Variants in FBXL13 observed in about 807,000 individuals in gnomAD.
FBXL13 encodes the protein F-box and leucine rich repeat protein 13, also known as F-box and leucine-rich repeat protein 13.
FBXL13 carries 67 observed loss-of-function variants against 83.6 expected under a neutral mutation model. The observed-to-expected ratio is 0.80, with a 90% CI of 0.66 to 0.98. The LOEUF (loss-of-function observed/expected upper bound fraction) is 0.98. Ranked by LOEUF, FBXL13 falls within the 50% of genes least tolerant of loss-of-function variation. The pLI, the probability that FBXL13 is intolerant of heterozygous loss-of-function variation, is 0.00. For synonymous variants in FBXL13, 272 were observed against 299.5 expected (o/e 0.91, Z 0.95); for missense variants, 822 against 866.5 (o/e 0.95, Z 0.64).
intron 8 of FBXL13, chr7:102,934,358 T>G (rs896865799): frequency 1.2e-6 from 2 of 1,614,032 alleles, no homozygotes; most frequent in Non-Finnish European, 1.7e-6. Context: ...GGAGGAAGTG[T>G]TCATTTACAC....
intron 8 of FBXL13, among the ~76,000 whole-genome samples, chr7:102,946,235 G>T (rs1288830224): frequency 2.0e-5 from 3 of 152,178 alleles, no homozygotes; most frequent in African/African-American, 7.2e-5. Flanking sequence ...CTTCACATAT[G>T]CTACTTCTAA....
rs545306664 is a variant in FBXL13, at chr7:102,909,483, G to T, written c.1008+3603C>A. Among the ~76,000 whole-genome samples the T allele has an allele frequency of 1.1e-3, 172 of 152,218 alleles. 2 individuals carry two copies. The highest frequency in any genetic ancestry group is 3.9e-3 in the African/African-American group (162 of 41,544). ...TTTTGCCCCATAGCTACCCTAGCTG[G>T]TAATATGCTGAGTCTCACCTGAAGC... On this transcript the variant is annotated intron_variant, in intron 11 of 19. Transcript: ENST00000313221.
chr7:102,967,877 T>C, intron 7 of FBXL13, 145 bp downstream of exon 8: 1 of 530,822 alleles, frequency 1.9e-6, no homozygotes, highest in South Asian at 3.4e-5. Flanking sequence ...CCCAGGCTTG[T>C]GCCTGGACAA....
At chr7:102,894,545 G>C (rs970970773) in intron 11 of FBXL13, among the ~76,000 whole-genome samples, 12 of 151,742 alleles carry the variant, frequency 7.9e-5, no homozygotes, top group Admixed American at 3.9e-4. Flanking sequence ...ACAACATATT[G>C]AGACCCGTCT....
chr7:103,008,766 C>A (rs1341590370), intron 6 of FBXL13, among the ~76,000 whole-genome samples: 2 of 152,170 alleles, frequency 1.3e-5, no homozygotes, highest in Admixed American at 1.3e-4. Context: ...CCATGTTGGG[C>A]AGGCTGGTCT....
At chr7:102,892,994 T>A (rs1811729713) in intron 11 of FBXL13, among the ~76,000 whole-genome samples, 1 of 152,226 alleles carries the variant, frequency 6.6e-6, no homozygotes, top group African/African-American at 2.4e-5. Context: ...GAAAATGGAA[T>A]CAGCCAAATA....
At chr7:102,910,712 G>C (rs896780224) in intron 11 of FBXL13, among the ~76,000 whole-genome samples, 1 of 152,112 alleles carries the variant, frequency 6.6e-6, no homozygotes, top group Non-Finnish European at 1.5e-5. Flanking sequence ...AAGGGTGACA[G>C]CCAACACTCC....
intron 17 of FBXL13, among the ~76,000 whole-genome samples, chr7:102,842,440 A>T (rs1803113980): frequency 6.6e-6 from 1 of 152,258 alleles, no homozygotes; most frequent in Admixed American, 6.5e-5. Context: ...GTCAAAGGCT[A>T]CCAAAATCAA....
At chr7:102,944,542 T>C (rs1822106161) in intron 8 of FBXL13, 2 of 1,612,488 alleles carry the variant, frequency 1.2e-6, no homozygotes, top group African/African-American at 1.3e-5. Flanking sequence ...AGATGATGAA[T>C]GGGAAAAAAA....
At chr7:102,811,359 T>C (rs1449695112), downstream of FBXL13, among the ~76,000 whole-genome samples, 1 of 152,250 alleles carries the variant, frequency 6.6e-6, no homozygotes, top group Non-Finnish European at 1.5e-5. Context: ...CTAATATCTT[T>C]GATATTTTGA....
intron 19 of FBXL13, among the ~76,000 whole-genome samples, chr7:102,814,052 G>T (rs1214552735): frequency 2.0e-5 from 3 of 152,018 alleles, no homozygotes; most frequent in African/African-American, 7.2e-5. Context: ...TGACTCAAAG[G>T]TGTCACAACA....
intron 8 of FBXL13, among the ~76,000 whole-genome samples, chr7:102,953,973 C>T (rs570623156): frequency 3.3e-5 from 5 of 151,870 alleles, no homozygotes; most frequent in Admixed American, 6.6e-5. Context: ...CCAAGATGGC[C>T]GAATAGGAAC....
At chr7:103,021,347 G>T (rs1793148624) in intron 6 of FBXL13, among the ~76,000 whole-genome samples, 1 of 152,154 alleles carries the variant, frequency 6.6e-6, no homozygotes. Context: ...ATGAATTAAA[G>T]ACTTAAATGT....
At chr7:102,821,881 A>C (rs2129445617) in intron 19 of FBXL13, among the ~76,000 whole-genome samples, 159 bp downstream of exon 20, 1 of 152,370 alleles carries the variant, frequency 6.6e-6, no homozygotes, top group Middle Eastern at 3.4e-3. Flanking sequence ...AGGCCGTTTT[A>C]GAACAACTCA....
chr7:102,916,591 C>G (rs1815919822), intron 10 of FBXL13, among the ~76,000 whole-genome samples: 1 of 152,100 alleles, frequency 6.6e-6, no homozygotes, highest in Non-Finnish European at 1.5e-5. Flanking sequence ...CAGTTGACAG[C>G]AAAATCACAG....
intron 7 of FBXL13, among the ~76,000 whole-genome samples, chr7:102,964,222 A>T (rs1825713105): frequency 6.6e-6 from 1 of 151,516 alleles, no homozygotes; most frequent in Non-Finnish European, 1.5e-5. Flanking sequence ...GAGGCATGAG[A>T]ATTGCCTGAA....
chr7:103,053,855 TG>T (rs1274553955), intron 2 of FBXL13, among the ~76,000 whole-genome samples: 2 of 152,210 alleles, frequency 1.3e-5, no homozygotes, highest in Non-Finnish European at 2.9e-5. Context: ...ATGGGATACA[TG>T]GGTTCTGCCC....
chr7:102,873,687 G>A (rs1808840182), intron 16 of FBXL13, among the ~76,000 whole-genome samples: 1 of 152,142 alleles, frequency 6.6e-6, no homozygotes. Flanking sequence ...ATTCCTTAAT[G>A]TGGCCTCTGG....
chr7:102,916,320 A>T (rs1815866028), intron 10 of FBXL13, among the ~76,000 whole-genome samples: 1 of 152,144 alleles, frequency 6.6e-6, no homozygotes, highest in Non-Finnish European at 1.5e-5. Flanking sequence ...ATTAAAATTC[A>T]TGGAGCTCCT....
Sources: gnomAD v4.1 joint callset for allele counts (sites outside exome capture counted in the v4.1 genomes callset) on GRCh38, gnomAD v4.1.1 for gene constraint, MANE v1.5 for transcripts, NCBI Gene and HGNC (gene_info 2026-07-23, HGNC 2026-07-21) for gene names.